Variants in DAPK1 observed in about 807,000 individuals in gnomAD.
DAPK1 encodes death-associated protein kinase 1.
A neutral mutation model predicts 144.9 loss-of-function variants in DAPK1; 56 were observed. That is an observed-to-expected ratio of 0.39 (90% confidence interval 0.31 to 0.48). The LOEUF is 0.48. Ranked by LOEUF, DAPK1 falls within the 20% of genes least tolerant of loss-of-function variation. The probability of loss-of-function intolerance (pLI) is 0.95; values close to 1 mark genes in which losing one functional copy is unlikely to be tolerated. For missense variants in DAPK1, 1,454 were observed against 1,875.4 expected (o/e 0.78, Z 4.15); for synonymous variants, 690 against 749.0 (o/e 0.92, Z 1.29).
At chr9:87,514,404 C>T (rs1824967037) in intron 2 of DAPK1, among the ~76,000 whole-genome samples, 1 of 152,186 alleles carries the variant, frequency 6.6e-6, no homozygotes, top group Non-Finnish European at 1.5e-5. Flanking sequence ...ACCTGGAGAA[C>T]CTGCTGGTGA....
rs1825290548 is a variant in DAPK1, at chr9:87,697,187, C to A, written c.2594C>A (p.Pro865Gln). The stretch of plus-strand genomic sequence containing the variant: ...CTCAGTTTCCTGAAGTCCCTTGTCC[C>A]AGTTGAAGAACCCATAGGTGAGCTA... ...FWLSFLKSLV[P>Q]VEEPIAFGGK... Residue 865 changes from proline (P) to glutamine (Q), a missense_variant, in exon 22 of 26, where the codon CCA becomes CAA. Around this residue, in one of 2 missense-constraint regions of DAPK1, gnomAD observed 1,025 missense variants for 1,237.9 expected, o/e 0.83. Coordinates refer to ENST00000408954, the MANE Select transcript of DAPK1 (RefSeq NM_004938.4). 1 of 1,551,416 alleles carries A rather than the reference C, an allele frequency of 6.4e-7. No homozygotes were observed. The highest frequency in any genetic ancestry group is 8.9e-7 in the Non-Finnish European group (1 of 1,122,832).
intron 2 of DAPK1, among the ~76,000 whole-genome samples, chr9:87,575,875 G>A (rs1827537820): frequency 6.6e-6 from 1 of 152,190 alleles, no homozygotes; most frequent in Non-Finnish European, 1.5e-5. Flanking sequence ...AGGCACTAAG[G>A]TGCTCCCTGG....
At chr9:87,509,419 T>C (rs1298592251) in intron 2 of DAPK1, among the ~76,000 whole-genome samples, 1 of 152,152 alleles carries the variant, frequency 6.6e-6, no homozygotes, top group Non-Finnish European at 1.5e-5. Context: ...TGGAGTGCAA[T>C]GGCGCAATCT....
chr9:87,526,871 T>G (rs1825532045), intron 2 of DAPK1, among the ~76,000 whole-genome samples: 1 of 152,226 alleles, frequency 6.6e-6, no homozygotes, highest in Non-Finnish European at 1.5e-5. Flanking sequence ...AGACATGTTA[T>G]AAGGACTTCT....
chr9:87,588,899 G>T (rs182211582), intron 2 of DAPK1, among the ~76,000 whole-genome samples: 1 of 151,878 alleles, frequency 6.6e-6, no homozygotes, highest in Admixed American at 6.6e-5. Flanking sequence ...CTGGGGGGCG[G>T]GGGGAGCAGA....
At chr9:87,634,164 A>G (rs1829805473) in intron 3 of DAPK1, among the ~76,000 whole-genome samples, 3 of 152,358 alleles carry the variant, frequency 2.0e-5, no homozygotes, top group South Asian at 2.1e-4. Flanking sequence ...GGCTGCTTTC[A>G]TGATACATTA....
At chr9:87,615,498 G>A (rs534072424) in intron 3 of DAPK1, among the ~76,000 whole-genome samples, 2 of 152,240 alleles carry the variant, frequency 1.3e-5, no homozygotes, top group African/African-American at 4.8e-5. Flanking sequence ...GACGACAGAA[G>A]TGTCATTGAC....
chr9:87,497,994 C>A lies in DAPK1; in HGVS notation c.-222C>A, dbSNP rs377011195. 6.3e-4 allele frequency: 252 copies of A among 397,484 alleles called. 1 individual carries two copies. The South Asian group carries it at 0.014, about 22-fold the overall frequency. 24.6% of individuals were successfully genotyped at this position (397,484 alleles called of 1,614,324 possible). A position where few individuals can be genotyped will look rare whatever the true frequency, so the allele number is the denominator to read the frequency against. On this transcript the variant is annotated 5_prime_UTR_variant, in exon 1 of 26. Coordinates refer to ENST00000408954, the MANE Select transcript of DAPK1 (RefSeq NM_004938.4). ...GCGCCTGGGAGGGATCTGCGCCCCC[C>A]ACTCACTCCCTAGCTGTGTTCCCGC...
rs577170299 is a variant in DAPK1, at chr9:87,694,881, G to A, written c.2414-2126G>A. Among the ~76,000 whole-genome samples the A allele has an allele frequency of 4.3e-4, 66 of 152,314 alleles. 1 individual carries two copies. The East Asian group carries it at 0.01, about 23-fold the overall frequency. Reference sequence around the variant, plus strand: ...TAGCTGCTTCGGACTCAGAGAGTGCGTGGGAGCCAGCCTGAGCTCCCTCTC... The same window carrying A: ...TAGCTGCTTCGGACTCAGAGAGTGCATGGGAGCCAGCCTGAGCTCCCTCTC... On this transcript the variant is annotated intron_variant, in intron 21 of 25. Transcript: ENST00000408954.
At chr9:87,634,171 A>G (rs886845010) in intron 3 of DAPK1, among the ~76,000 whole-genome samples, 4 of 152,238 alleles carry the variant, frequency 2.6e-5, no homozygotes, top group African/African-American at 4.8e-5. Context: ...TTCATGATAC[A>G]TTAGCAGAGC....
chr9:87,586,063 G>A (rs751179260), intron 2 of DAPK1, among the ~76,000 whole-genome samples: 3 of 152,128 alleles, frequency 2.0e-5, no homozygotes, highest in Non-Finnish European at 4.4e-5. Flanking sequence ...CGAGGCGAGC[G>A]GATCACTTGA....
At chr9:87,621,903 CCACACTGGGCTCGGTAG>C (rs1313927964) in intron 3 of DAPK1, among the ~76,000 whole-genome samples, 1 of 152,226 alleles carries the variant, frequency 6.6e-6, no homozygotes, top group African/African-American at 2.4e-5. Flanking sequence ...TCCCCCACAT[CCACACTGGGCTCGGTAG>C]AGCCTCGGCA....
chr9:87,503,481 A>G (rs1040453119), intron 2 of DAPK1, among the ~76,000 whole-genome samples: 1 of 152,140 alleles, frequency 6.6e-6, no homozygotes, highest in Non-Finnish European at 1.5e-5. Context: ...CCATCACAGC[A>G]TTTACCACAT....
rs115523188 is a variant in DAPK1 at position 87,644,671 on chromosome 9, G to A, written c.1011+1203G>A. On this transcript the variant is annotated intron_variant, in intron 11 of 25. Transcript: ENST00000408954. Reference sequence around the variant, plus strand: ...AAACTGTGACTCTAGGTAAGATAATGAGAATGATTAAAGATTGCAAATTGA... The same window carrying A: ...AAACTGTGACTCTAGGTAAGATAATAAGAATGATTAAAGATTGCAAATTGA... 2.9e-3 allele frequency among the ~76,000 whole-genome samples: 447 copies of A among 152,280 alleles called. 3 individuals are homozygous for A. Among genetic ancestry groups the A allele is most frequent in the South Asian group, 9.3e-3 (45 of 4,820 alleles).
rs149870225 is a variant in DAPK1, at chr9:87,503,281, T to C, written c.62+4142T>C. On this transcript the variant is annotated intron_variant, in intron 2 of 25. Coordinates refer to ENST00000408954, the MANE Select transcript of DAPK1 (RefSeq NM_004938.4). The stretch of plus-strand genomic sequence containing the variant: ...TGTATATGTATATATATATATATTT[T>C]AGAGACAGGGTCTTACTCTGTTTCC... Among the ~76,000 whole-genome samples, 18 of 152,110 alleles carry C rather than the reference T, an allele frequency of 1.2e-4. No homozygotes were observed. The East Asian group carries it at 2.7e-3, about 23-fold the overall frequency.
chr9:87,586,872 AG>A (rs1827956488), intron 2 of DAPK1, among the ~76,000 whole-genome samples: 1 of 152,224 alleles, frequency 6.6e-6, no homozygotes, highest in Non-Finnish European at 1.5e-5. Flanking sequence ...AAAACCTCTA[AG>A]TAACATTGTT....
At chr9:87,682,955 T>C (rs1404580522) in intron 20 of DAPK1, among the ~76,000 whole-genome samples, 1 of 152,132 alleles carries the variant, frequency 6.6e-6, no homozygotes, top group Non-Finnish European at 1.5e-5. Flanking sequence ...TTGTTTTTTG[T>C]CTTTGCATAT....
intron 2 of DAPK1, among the ~76,000 whole-genome samples, chr9:87,599,669 ACTGTT>A (rs1332418175): frequency 1.3e-5 from 2 of 152,206 alleles, no homozygotes; most frequent in African/African-American, 4.8e-5. Flanking sequence ...AATGCAACAG[ACTGTT>A]CTGTCAGTTA....
chr9:87,550,742 C>T (rs2118556346), intron 2 of DAPK1, among the ~76,000 whole-genome samples: 1 of 152,264 alleles, frequency 6.6e-6, no homozygotes. Flanking sequence ...ACAGCAGCAC[C>T]TGGGTTGTTT....
Sources: allele counts gnomAD v4.1 joint callset (sites outside exome capture counted in the v4.1 genomes callset), GRCh38; gene constraint gnomAD v4.1.1; regional missense constraint gnomAD v4.1.1; transcripts MANE v1.5; gene names NCBI Gene and HGNC (gene_info 2026-07-23, HGNC 2026-07-21).